Variants in WWOX observed in about 807,000 individuals in gnomAD.
The protein encoded by WWOX is WW domain-containing oxidoreductase.
Under a neutral mutation model 46.2 loss-of-function variants are expected in WWOX, and 69 were observed. The observed-to-expected ratio is 1.49, with a 90% CI of 1.23 to 1.82. The LOEUF (loss-of-function observed/expected upper bound fraction) is 1.82. Ranked by LOEUF, WWOX falls within the 40% of genes most tolerant of loss-of-function variation. The pLI, the probability that WWOX is intolerant of heterozygous loss-of-function variation, is 0.00. For synonymous variants in WWOX, 359 were observed against 202.6 expected (o/e 1.77, Z -6.56); for missense variants, 919 against 542.6 (o/e 1.69, Z -6.89).
chr16:79,121,003 A>G (rs180739599), intron 8 of WWOX, among the ~76,000 whole-genome samples: 274 of 152,340 alleles, frequency 1.8e-3, no homozygotes, highest in Middle Eastern at 6.8e-3. Context: ...TCGTGACCTC[A>G]GGTGATCCAC....
At chr16:78,698,722 T>G (rs2048150973) in intron 8 of WWOX, among the ~76,000 whole-genome samples, 1 of 152,148 alleles carries the variant, frequency 6.6e-6, no homozygotes, top group Admixed American at 6.5e-5. Flanking sequence ...TCCCCTGTAG[T>G]CCCATCTACT....
chr16:79,048,514 C>CAT (rs924440103), intron 8 of WWOX, among the ~76,000 whole-genome samples: 20 of 151,630 alleles, frequency 1.3e-4, no homozygotes, highest in Admixed American at 4.6e-4. Flanking sequence ...TAGCAGTAAT[C>CAT]ATATATATAT....
At chr16:78,764,292 T>C (rs954117143) in intron 8 of WWOX, among the ~76,000 whole-genome samples, 1 of 151,720 alleles carries the variant, frequency 6.6e-6, no homozygotes, top group Non-Finnish European at 1.5e-5. Context: ...TGCCACCCAG[T>C]CCAGTGAGTA....
chr16:78,334,105 T>A (rs1048596377), intron 5 of WWOX, among the ~76,000 whole-genome samples: 1 of 152,198 alleles, frequency 6.6e-6, no homozygotes, highest in Non-Finnish European at 1.5e-5. Context: ...ATTCCCCCTT[T>A]ACTCACACTA....
intron 8 of WWOX, among the ~76,000 whole-genome samples, chr16:79,192,915 G>A (rs2051165665): frequency 1.3e-5 from 2 of 152,172 alleles, no homozygotes; most frequent in African/African-American, 4.8e-5. Flanking sequence ...TGCTGTCACT[G>A]GTACAGTGGT....
intron 8 of WWOX, among the ~76,000 whole-genome samples, chr16:79,174,799 CTT>C (rs1484885413): frequency 1.3e-5 from 2 of 152,174 alleles, no homozygotes; most frequent in Non-Finnish European, 2.9e-5. Context: ...TATTTGATAA[CTT>C]TAACAGAAAT....
At chr16:78,695,711 A>C (rs1369665366) in intron 8 of WWOX, among the ~76,000 whole-genome samples, 1 of 152,360 alleles carries the variant, frequency 6.6e-6, no homozygotes, top group South Asian at 2.1e-4. Flanking sequence ...ATGAAGGATC[A>C]AGTTGTCAGC....
chr16:78,223,566 C>G (rs1000964335), intron 5 of WWOX, among the ~76,000 whole-genome samples: 2 of 152,232 alleles, frequency 1.3e-5, no homozygotes, highest in South Asian at 4.2e-4. Context: ...AAGGCAGGGG[C>G]TGCTGAATGA....
At chr16:78,658,722 A>T (rs1161020687) in intron 8 of WWOX, among the ~76,000 whole-genome samples, 1 of 152,078 alleles carries the variant, frequency 6.6e-6, no homozygotes, top group Non-Finnish European at 1.5e-5. Context: ...CATTGGATTT[A>T]GGGCTCACTG....
chr16:78,886,686 A>G (rs1462874849), intron 8 of WWOX, among the ~76,000 whole-genome samples: 1 of 150,198 alleles, frequency 6.7e-6, no homozygotes, highest in African/African-American at 2.4e-5. Flanking sequence ...GGGAGAAATA[A>G]ATGTAAATGA....
At chr16:79,065,795 C>G (rs924419409) in intron 8 of WWOX, among the ~76,000 whole-genome samples, 17 of 152,120 alleles carry the variant, frequency 1.1e-4, no homozygotes, top group Admixed American at 2.0e-4. Flanking sequence ...TGCCCTATGC[C>G]CAGGGATGAG....
At chr16:79,075,826 G>T (rs562503253) in intron 8 of WWOX, among the ~76,000 whole-genome samples, 1 of 152,182 alleles carries the variant, frequency 6.6e-6, no homozygotes, top group East Asian at 1.9e-4. Flanking sequence ...TCGGCAGCCT[G>T]TTTCCTTCCC....
intron 8 of WWOX, among the ~76,000 whole-genome samples, chr16:78,546,628 C>A (rs530550131): frequency 6.6e-6 from 1 of 152,180 alleles, no homozygotes; most frequent in Non-Finnish European, 1.5e-5. Context: ...AATATAAATT[C>A]CTAGTCCCAC....
intron 6 of WWOX, among the ~76,000 whole-genome samples, chr16:78,393,768 C>T (rs1222041601): frequency 1.3e-5 from 2 of 152,018 alleles, no homozygotes; most frequent in Admixed American, 1.3e-4. Context: ...TCTGAACTTT[C>T]TGTCACCGGT....
At chr16:79,048,444 C>G (rs565449163) in intron 8 of WWOX, among the ~76,000 whole-genome samples, 11 of 152,040 alleles carry the variant, frequency 7.2e-5, no homozygotes, top group Non-Finnish European at 1.6e-4. Flanking sequence ...ATTAGGGCTT[C>G]AGAGTTCACG....
At chr16:78,371,972 G>A (rs1194051538) in intron 5 of WWOX, among the ~76,000 whole-genome samples, 1 of 152,186 alleles carries the variant, frequency 6.6e-6, no homozygotes, top group Non-Finnish European at 1.5e-5. Context: ...GTTGAGGCTG[G>A]AAATAGACAT....
At chr16:78,859,300 TC>T (rs1008653593) in intron 8 of WWOX, among the ~76,000 whole-genome samples, 2 of 151,462 alleles carry the variant, frequency 1.3e-5, no homozygotes, top group Non-Finnish European at 2.9e-5. Flanking sequence ...AATTGATTTT[TC>T]CCCCCTGCTG....
intron 8 of WWOX, among the ~76,000 whole-genome samples, chr16:78,563,616 C>T (rs926399073): frequency 4.0e-5 from 6 of 151,534 alleles, no homozygotes; most frequent in Non-Finnish European, 8.8e-5. Flanking sequence ...CTCTCTTCCA[C>T]CCTGCTGCCT....
chr16:78,678,918 C>T (rs559188169), intron 8 of WWOX, among the ~76,000 whole-genome samples: 24 of 152,252 alleles, frequency 1.6e-4, no homozygotes, highest in Middle Eastern at 3.4e-3. Flanking sequence ...AGGCTGGCAC[C>T]GCACACTTTG....
Sources: allele counts gnomAD v4.1 joint callset (sites outside exome capture counted in the v4.1 genomes callset), GRCh38; gene constraint gnomAD v4.1.1; transcripts MANE v1.5; gene names NCBI Gene and HGNC (gene_info 2026-07-23, HGNC 2026-07-21).